The following PRPF38A variants were observed in gnomAD, a reference collection of about 807,000 sequenced individuals.
PRPF38A encodes the protein pre-mRNA processing factor 38A.
Under a neutral mutation model 46.8 loss-of-function variants are expected in PRPF38A, and 11 were observed. That is an observed-to-expected ratio of 0.24 (90% confidence interval 0.15 to 0.39). The LOEUF (loss-of-function observed/expected upper bound fraction) is 0.39. PRPF38A is among the 10% of genes least tolerant of loss of function. The probability of loss-of-function intolerance (pLI) is 1.00; values close to 1 mark genes in which losing one functional copy is unlikely to be tolerated. For synonymous variants in PRPF38A, 124 were observed against 136.2 expected (o/e 0.91, Z 0.62); for missense variants, 261 against 407.5 (o/e 0.64, Z 3.10).
At chr1:52,411,346 A>T (rs111879121) in intron 4 of PRPF38A, 146 bp downstream of exon 4, 1 of 606,342 alleles carries the variant, frequency 1.6e-6, no homozygotes, top group African/African-American at 1.9e-5. Context: ...GAGTCCCAAG[A>T]TAGTGGATTG....
chr1:52,405,558 C>T (rs1647958817), intron 1 of PRPF38A, 122 bp from the exon 2 acceptor site: 1 of 828,894 alleles, frequency 1.2e-6, no homozygotes, highest in Non-Finnish European at 2.0e-6. Flanking sequence ...TATTAATACA[C>T]ATTCGTTCTC....
At position 52,404,821 on chromosome 1, in the gene PRPF38A, C is replaced by G; in HGVS notation, c.72C>G (p.Ile24Met). Residue 24 changes from isoleucine (I) to methionine (M), a missense_variant, in exon 1 of 10, where the codon ATC becomes ATG. Ile to Met is a conservative substitution (Grantham distance 10). This residue lies in a region of PRPF38A where 81 missense variants were observed against 186.5 expected (regional missense o/e 0.43). Transcript: ENST00000257181. ...ACCCTCAATATCTGGTGGAGAAGATCATTCGAACGCGAATCTATGAGTCCA... is the reference window on the plus strand; with the variant it reads ...ACCCTCAATATCTGGTGGAGAAGATGATTCGAACGCGAATCTATGAGTCCA... The part of the protein sequence containing the change: ...GTNPQYLVEK[I>M]IRTRIYESKY... 1 of 1,614,198 alleles carries G rather than the reference C, an allele frequency of 6.2e-7. No homozygotes were observed.
intron 2 of PRPF38A, among the ~76,000 whole-genome samples, chr1:52,407,595 T>A (rs1212514938): frequency 6.6e-6 from 1 of 152,222 alleles, no homozygotes; most frequent in Non-Finnish European, 1.5e-5. Context: ...TGTTCTTGTA[T>A]TGTTATTAAA....
Position 52,404,899 on chromosome 1 carries a change from G to A in PRPF38A, c.130+20G>A, listed in dbSNP as rs1647927957. 1 of 1,612,296 alleles carries A rather than the reference G, an allele frequency of 6.2e-7. No individual in the cohort carries two copies. Among genetic ancestry groups the A allele is most frequent in the Non-Finnish European group, 8.5e-7 (1 of 1,179,106 alleles). On this transcript the variant is annotated intron_variant, in intron 1 of 9. Coordinates refer to ENST00000257181, the MANE Select transcript of PRPF38A (RefSeq NM_032864.4). Reference sequence around the variant, plus strand: ...TTACAGGTAAGTGGAAGCGCGCGGAGCGCCTCTCAGCCCCCTTGTGGCCCA... The same window carrying A: ...TTACAGGTAAGTGGAAGCGCGCGGAACGCCTCTCAGCCCCCTTGTGGCCCA...
intron 4 of PRPF38A, 147 bp downstream of exon 4, chr1:52,411,347 T>G: frequency 1.7e-6 from 1 of 604,832 alleles, no homozygotes; most frequent in South Asian, 2.1e-5. Context: ...AGTCCCAAGA[T>G]AGTGGATTGG....
chr1:52,410,060 CAT>C (rs1038641170), intron 3 of PRPF38A, among the ~76,000 whole-genome samples: 22 of 148,518 alleles, frequency 1.5e-4, no homozygotes, highest in East Asian at 1.2e-3. Flanking sequence ...TATACACACA[CAT>C]ATATATACAT....
At position 52,408,684 on chromosome 1, in the gene PRPF38A, A is replaced by C; in HGVS notation, c.406A>C (p.Asn136His). 1.2e-6 allele frequency: 2 copies of C among 1,614,094 alleles called. No homozygotes were observed. The highest frequency in any genetic ancestry group is 2.7e-5 in the African/African-American group (2 of 75,042). Residue 136 changes from asparagine (N) to histidine (H), a missense_variant, in exon 3 of 10, where the codon AAT becomes CAT. Asn to His is a moderately conservative substitution (Grantham distance 68, BLOSUM62 1). This residue lies in a region of PRPF38A where 81 missense variants were observed against 186.5 expected (regional missense o/e 0.43). Transcript: ENST00000257181. ...TCGAAAAATCAAGAGCCAGAACCGA[A>C]ATGGGGGTAAGTATGGTGCTAAGTC... ...DYRKIKSQNR[N>H]GEFELMHVDE...
chr1:52,413,979 G>C lies in PRPF38A; in HGVS notation c.710G>C (p.Arg237Pro), dbSNP rs1250555888. 1 of 1,611,214 alleles carries C rather than the reference G, an allele frequency of 6.2e-7. No homozygotes were observed. The highest frequency in any genetic ancestry group is 8.5e-7 in the Non-Finnish European group (1 of 1,177,452). ...CTGCGCTACAGGAGGAGTAGGAGCCGGTCTCCCAGAAGGTAAAGCCTAGTC... is the reference window on the plus strand; with the variant it reads ...CTGCGCTACAGGAGGAGTAGGAGCCCGTCTCCCAGAAGGTAAAGCCTAGTC... ...PTLRYRRSRS[R>P]SPRRRSRSPK... Residue 237 changes from arginine (R) to proline (P), a missense_variant, in exon 6 of 10, where the codon CGG becomes CCG. Arg to Pro is a moderately radical substitution (Grantham distance 103). Coordinates refer to ENST00000257181, the MANE Select transcript of PRPF38A (RefSeq NM_032864.4).
At chr1:52,406,761 A>G (rs1488921313) in intron 2 of PRPF38A, among the ~76,000 whole-genome samples, 3 of 152,354 alleles carry the variant, frequency 2.0e-5, no homozygotes, top group African/African-American at 4.8e-5. Flanking sequence ...AGGGCTTTGC[A>G]TATAATAATT....
intron 9 of PRPF38A, among the ~76,000 whole-genome samples, chr1:52,415,904 G>A (rs1372387831): frequency 7.5e-6 from 1 of 132,908 alleles, no homozygotes; most frequent in Non-Finnish European, 1.6e-5. Context: ...GTGCAGTGGC[G>A]CAATCTCGGC....
Position 52,416,770 on chromosome 1 carries a change from C to G in PRPF38A, c.*80C>G, listed in dbSNP as rs773208296. 9.5e-7 allele frequency: 1 copy of G among 1,053,868 alleles called. No individual in the cohort carries two copies. The highest frequency in any genetic ancestry group is 1.5e-6 in the Non-Finnish European group (1 of 674,888). The allele number at this position is 1,053,868 out of a possible 1,614,324, so 65.3% of individuals were successfully genotyped here. A position where few individuals can be genotyped will look rare whatever the true frequency, so the allele number is the denominator to read the frequency against. ...TATGTGGAAGGATTAAGATCTCCCC[C>G]AGGCAGCTATAAGAATATTTTAGTT... On this transcript the variant is annotated 3_prime_UTR_variant, in exon 10 of 10. Transcript: ENST00000257181.
At position 52,412,634 on chromosome 1, in the gene PRPF38A, C is replaced by T. The variant is rs1648178501; in HGVS notation, c.609+10C>T. 6.5e-7 allele frequency: 1 copy of T among 1,545,886 alleles called. No individual in the cohort carries two copies. ...AGAGGAGGATGAGAAGGTCTGGCAC[C>T]TGAGACTTTTATGGTTGTAGGGGAG... On this transcript the variant is annotated intron_variant, in intron 5 of 9. Coordinates refer to ENST00000257181, the MANE Select transcript of PRPF38A (RefSeq NM_032864.4).
intron 6 of PRPF38A, among the ~76,000 whole-genome samples, 172 bp downstream of exon 6, chr1:52,414,163 C>G (rs906981332): frequency 6.6e-6 from 1 of 152,194 alleles, no homozygotes; most frequent in Non-Finnish European, 1.5e-5. Context: ...CAACAATAAC[C>G]ATTTGTTCCT....
intron 3 of PRPF38A, among the ~76,000 whole-genome samples, chr1:52,409,766 TTTA>T (rs1648096354): frequency 6.6e-6 from 1 of 152,210 alleles, no homozygotes; most frequent in African/African-American, 2.4e-5. Context: ...GAGTTATTTA[TTTA>T]TTATTTTATT....
intron 2 of PRPF38A, among the ~76,000 whole-genome samples, chr1:52,407,005 AAGGGAAGAGGAACAACTCTTTT>A: frequency 6.6e-6 from 1 of 152,228 alleles, no homozygotes; most frequent in South Asian, 2.1e-4. Context: ...ATATAGGAAA[AAGGGAAGAGGAACAACTCTTTT>A]TTTTGTTTGA....
intron 2 of PRPF38A, among the ~76,000 whole-genome samples, chr1:52,407,808 C>T (rs1648039948): frequency 6.6e-6 from 1 of 152,230 alleles, no homozygotes. Flanking sequence ...GTAATCCCAG[C>T]ACTTTGGGAG....
chr1:52,411,001 C>G (rs955264386), intron 3 of PRPF38A, 114 bp from the exon 4 acceptor site: 1 of 692,618 alleles, frequency 1.4e-6, no homozygotes, highest in Admixed American at 2.6e-5. Flanking sequence ...TTAATCTCTT[C>G]TAAAGAGGCC....
rs549631051 is a variant in PRPF38A at position 52,413,411 on chromosome 1, CTT to C, written c.610-456_610-455del. Among the ~76,000 whole-genome samples the C allele has an allele frequency of 8.9e-5, 13 of 146,268 alleles. No homozygotes were observed. The South Asian group carries it at 1.3e-3, about 15-fold the overall frequency. ...CTGCCCAGTTGTTCCAGGAAGCAAA[CTT>C]TTTTTTTTTTTGAGATAGGGTCTTG... On this transcript the variant is annotated intron_variant, in intron 5 of 9. Coordinates refer to ENST00000257181, the MANE Select transcript of PRPF38A (RefSeq NM_032864.4).
At position 52,419,350 on chromosome 1, in the gene PRPF38A, C is replaced by G. The variant is rs1033315853; in HGVS notation, c.*2660C>G. ...CAGCCTGGGCAAAAAGAGCGAAACT[C>G]CATCTCAAAAAAAAAAAAAAAAGAA... On this transcript the variant is annotated 3_prime_UTR_variant, in exon 10 of 10. Coordinates refer to ENST00000257181, the MANE Select transcript of PRPF38A (RefSeq NM_032864.4). 6.8e-6 allele frequency: 1 copy of G among 147,134 alleles called. No homozygotes were observed. The highest frequency in any genetic ancestry group is 2.6e-5 in the African/African-American group (1 of 38,502). The allele number at this position is 147,134 out of a possible 1,614,324, so 9.1% of individuals were successfully genotyped here.
Sources: allele counts gnomAD v4.1 joint callset (sites outside exome capture counted in the v4.1 genomes callset), GRCh38; gene constraint gnomAD v4.1.1; regional missense constraint gnomAD v4.1.1; transcripts MANE v1.5; gene names NCBI Gene and HGNC (gene_info 2026-07-23, HGNC 2026-07-21).